NEDD4L: variants seen among roughly 807,000 people sequenced by gnomAD.
NEDD4L encodes the protein E3 ubiquitin-protein ligase NEDD4-like.
A neutral mutation model predicts 148.9 loss-of-function variants in NEDD4L; 54 were observed. The observed-to-expected ratio is 0.36, with a 90% confidence interval of 0.29 to 0.45. The LOEUF (loss-of-function observed/expected upper bound fraction) is 0.45, where lower values mean the gene tolerates loss of function less well. Ranked by LOEUF, NEDD4L falls within the 20% of genes least tolerant of loss-of-function variation. The pLI is 1.00. For missense variants in NEDD4L, 856 were observed against 1,233.8 expected (o/e 0.69, Z 4.59); for synonymous variants, 433 against 440.7 (o/e 0.98, Z 0.22).
chr18:58,095,347 T>C (rs1194808499), intron 1 of NEDD4L, among the ~76,000 whole-genome samples: 3 of 152,190 alleles, frequency 2.0e-5, no homozygotes, highest in Non-Finnish European at 4.4e-5. Context: ...ATGAAATGGA[T>C]GATGGCTGAG....
rs539392581 is a variant in NEDD4L, at chr18:58,380,760, T to A, written c.2353-2486T>A. Among the ~76,000 whole-genome samples, 16 of 152,262 alleles carry A rather than the reference T, an allele frequency of 1.1e-4. No individual in the cohort carries two copies. In the East Asian group the frequency reaches 1.2e-3, roughly 11 times the overall value. Reference sequence around the variant, plus strand: ...CATGACAGGCCCCGGTGTGTGATGTTCCCCTCCCTGTGTCCATGAGTTCTC... The same window carrying A: ...CATGACAGGCCCCGGTGTGTGATGTACCCCTCCCTGTGTCCATGAGTTCTC... On this transcript the variant is annotated intron_variant, in intron 24 of 30. Coordinates refer to ENST00000400345, the MANE Select transcript of NEDD4L (RefSeq NM_001144967.3).
intron 1 of NEDD4L, among the ~76,000 whole-genome samples, chr18:58,068,126 AT>A (rs1007856089): frequency 2.0e-5 from 3 of 149,108 alleles, no homozygotes; most frequent in South Asian, 4.3e-4. Flanking sequence ...CACCCAGTGA[AT>A]TTTTTTTTCT....
chr18:58,131,924 A>G (rs2032214552), intron 1 of NEDD4L, among the ~76,000 whole-genome samples: 1 of 152,172 alleles, frequency 6.6e-6, no homozygotes, highest in South Asian at 2.1e-4. Context: ...TGATTATTTC[A>G]TTTGAGACAT....
At chr18:58,228,362 G>C (rs141762412) in intron 2 of NEDD4L, among the ~76,000 whole-genome samples, 1 of 152,220 alleles carries the variant, frequency 6.6e-6, no homozygotes, top group Admixed American at 6.5e-5. Context: ...ATGCCAGGTG[G>C]GGGGCAGGAC....
intron 1 of NEDD4L, among the ~76,000 whole-genome samples, chr18:58,161,420 T>C (rs2036193397): frequency 7.3e-6 from 1 of 137,756 alleles, no homozygotes; most frequent in South Asian, 2.3e-4. Context: ...AATATTTCCG[T>C]GTTTTTTTCT....
intron 12 of NEDD4L, among the ~76,000 whole-genome samples, chr18:58,334,599 T>A (rs1273714222): frequency 6.6e-6 from 1 of 152,352 alleles, no homozygotes; most frequent in South Asian, 2.1e-4. Context: ...TGTGTTCAAT[T>A]TGATATTTTA....
At chr18:58,150,141 T>C (rs532830509) in intron 1 of NEDD4L, among the ~76,000 whole-genome samples, 88 of 152,366 alleles carry the variant, frequency 5.8e-4, no homozygotes, top group African/African-American at 2.0e-3. Context: ...TTCTGTATCC[T>C]GGGAAGGGAC....
At chr18:58,135,311 G>A (rs1312051543) in intron 1 of NEDD4L, among the ~76,000 whole-genome samples, 1 of 152,238 alleles carries the variant, frequency 6.6e-6, no homozygotes, top group Non-Finnish European at 1.5e-5. Flanking sequence ...AGCATCTTAA[G>A]ATCTGTATTG....
chr18:58,234,097 C>CTTTCTTTCTT (rs1483373337), intron 2 of NEDD4L, among the ~76,000 whole-genome samples: 1 of 83,358 alleles, frequency 1.2e-5, no homozygotes. Context: ...TTCTTTCTTT[C>CTTTCTTTCTT]TTTCTTTTCT....
chr18:58,300,595 G>T (rs183515253), intron 5 of NEDD4L, among the ~76,000 whole-genome samples: 1 of 152,346 alleles, frequency 6.6e-6, no homozygotes, highest in East Asian at 1.9e-4. Flanking sequence ...GTCTTTCTCA[G>T]TGCTCAGTTC....
At chr18:58,077,082 C>T (rs576900368) in intron 1 of NEDD4L, among the ~76,000 whole-genome samples, 5 of 151,188 alleles carry the variant, frequency 3.3e-5, no homozygotes, top group Admixed American at 3.3e-4. Context: ...AACTCCTGAC[C>T]TCAGGTAATC....
rs200176042 is a variant in NEDD4L at position 58,351,055 on chromosome 18, C to T, written c.1708+10C>T. The T allele has an allele frequency of 5.1e-5, 80 of 1,581,128 alleles. No homozygotes were observed. In the African/African-American group the frequency reaches 7.4e-4, roughly 15 times the overall value. ...TTTTATATTGATCATAGTAAGTAGG[C>T]GCTGTTATGGACACACAGGTGTTGT... On this transcript the variant is annotated intron_variant, in intron 18 of 30. Coordinates refer to ENST00000400345, the MANE Select transcript of NEDD4L (RefSeq NM_001144967.3).
chr18:58,362,091 G>A (rs2045563101), intron 19 of NEDD4L, among the ~76,000 whole-genome samples: 2 of 152,208 alleles, frequency 1.3e-5, no homozygotes, highest in South Asian at 4.1e-4. Flanking sequence ...TTCCCCAGAA[G>A]GAGAAAGGCT....
intron 1 of NEDD4L, among the ~76,000 whole-genome samples, chr18:58,156,181 C>T (rs2035469242): frequency 6.6e-6 from 1 of 152,188 alleles, no homozygotes; most frequent in South Asian, 2.1e-4. Context: ...AGCGACCAGC[C>T]CATCGTAGTA....
At chr18:58,373,062 A>G (rs2047107203) in intron 23 of NEDD4L, 112 bp from the exon 24 acceptor site, 3 of 673,422 alleles carry the variant, frequency 4.5e-6, no homozygotes, top group Non-Finnish European at 2.7e-6. Context: ...CATTAGTAAC[A>G]TATTTCTTGA....
intron 25 of NEDD4L, among the ~76,000 whole-genome samples, chr18:58,385,089 G>C (rs1282647399): frequency 6.6e-6 from 1 of 152,158 alleles, no homozygotes; most frequent in Non-Finnish European, 1.5e-5. Flanking sequence ...TAAATGCATT[G>C]TCCTGAGTAC....
chr18:58,181,079 C>T (rs930396244), intron 2 of NEDD4L, among the ~76,000 whole-genome samples: 3 of 152,298 alleles, frequency 2.0e-5, no homozygotes, highest in South Asian at 2.1e-4. Context: ...AAGCCATTCT[C>T]GAATAGTGAC....
chr18:58,159,934 A>T (rs2035987841), intron 1 of NEDD4L, among the ~76,000 whole-genome samples: 1 of 152,218 alleles, frequency 6.6e-6, no homozygotes, highest in Non-Finnish European at 1.5e-5. Flanking sequence ...CAGCTGGTGT[A>T]CGTGATCCTG....
At chr18:58,063,048 TTTTTTTTTTTTTTTTG>T (rs1451482797) in intron 1 of NEDD4L, among the ~76,000 whole-genome samples, 1 of 45,160 alleles carries the variant, frequency 2.2e-5, no homozygotes, top group East Asian at 1.0e-3. Flanking sequence ...TCTTTTTTTT[TTTTTTTTTTTTTTTTG>T]AGACAGTATC....
Sources: allele counts gnomAD v4.1 joint callset (sites outside exome capture counted in the v4.1 genomes callset), GRCh38; gene constraint gnomAD v4.1.1; transcripts MANE v1.5; gene names NCBI Gene and HGNC (gene_info 2026-07-23, HGNC 2026-07-21).